CSMD3: variants seen among roughly 807,000 people sequenced by gnomAD.
The protein encoded by CSMD3 is CUB and sushi domain-containing protein 3.
CSMD3 carries 177 observed loss-of-function variants against 435.2 expected under a neutral mutation model. That is an observed-to-expected ratio of 0.41 (90% confidence interval 0.36 to 0.46). The LOEUF is 0.46. CSMD3 is among the 20% of genes least tolerant of loss of function. The pLI is 0.34. For missense variants in CSMD3, 4,265 were observed against 4,504.6 expected (o/e 0.95, Z 1.52); for synonymous variants, 1,656 against 1,520.5 (o/e 1.09, Z -2.07).
chr8:113,127,624 T>G (rs1004451682), intron 4 of CSMD3, among the ~76,000 whole-genome samples: 3 of 152,050 alleles, frequency 2.0e-5, no homozygotes, highest in African/African-American at 7.2e-5. Flanking sequence ...CACCTAGGCT[T>G]TCATCATATT....
At chr8:113,330,928 A>T (rs2094022944) in intron 1 of CSMD3, among the ~76,000 whole-genome samples, 1 of 151,850 alleles carries the variant, frequency 6.6e-6, no homozygotes, top group Non-Finnish European at 1.5e-5. Flanking sequence ...AAGCCAACTA[A>T]GCCTCACTAA....
At chr8:113,341,506 A>C (rs1431433663) in intron 1 of CSMD3, among the ~76,000 whole-genome samples, 1 of 152,148 alleles carries the variant, frequency 6.6e-6, no homozygotes, top group Non-Finnish European at 1.5e-5. Context: ...GATTTATAAA[A>C]TTTGTCTAAC....
At chr8:113,148,435 T>G (rs1326110997) in intron 4 of CSMD3, among the ~76,000 whole-genome samples, 3 of 151,796 alleles carry the variant, frequency 2.0e-5, no homozygotes, top group African/African-American at 7.2e-5. Context: ...ATAGCTCTTA[T>G]GATAAATGTA....
Position 112,745,951 on chromosome 8 carries a change from G to GT in CSMD3, c.1972+54210dup, listed in dbSNP as rs1228239289. Reference sequence around the variant, plus strand: ...TTTTCTTAATACAGGTAATTATTTTGTTTTTTTGCAGGGAAAATAAATCGA... The same window carrying GT: ...TTTTCTTAATACAGGTAATTATTTTGTTTTTTTTGCAGGGAAAATAAATCGA... On this transcript the variant is annotated intron_variant, in intron 13 of 70. Coordinates refer to ENST00000297405, the MANE Select transcript of CSMD3 (RefSeq NM_198123.2). 4.6e-5 allele frequency among the ~76,000 whole-genome samples: 7 copies of GT among 151,936 alleles called. No homozygotes were observed. In the South Asian group the frequency reaches 6.2e-4, roughly 14 times the overall value.
chr8:112,710,635 GA>G (rs1357692430), intron 13 of CSMD3, among the ~76,000 whole-genome samples: 2 of 151,572 alleles, frequency 1.3e-5, no homozygotes, highest in African/African-American at 4.9e-5. Context: ...GAAAGACAAG[GA>G]AAGTCTGAGA....
chr8:112,475,151 C>A (rs1312746905), intron 31 of CSMD3, among the ~76,000 whole-genome samples: 1 of 152,116 alleles, frequency 6.6e-6, no homozygotes, highest in Non-Finnish European at 1.5e-5. Context: ...AACTATTAAA[C>A]TCTTATTTTT....
chr8:112,594,743 C>A (rs1026964186), intron 22 of CSMD3, among the ~76,000 whole-genome samples: 6 of 152,188 alleles, frequency 3.9e-5, no homozygotes, highest in African/African-American at 1.2e-4. Flanking sequence ...AGGCACCCCC[C>A]AGTAGGGGCA....
At chr8:112,710,501 T>C (rs2076587807) in intron 13 of CSMD3, among the ~76,000 whole-genome samples, 4 of 152,126 alleles carry the variant, frequency 2.6e-5, no homozygotes, top group Admixed American at 2.6e-4. Context: ...TTAATCACAT[T>C]AACCCAACGC....
chr8:112,713,696 G>T (rs2076660417), intron 13 of CSMD3, among the ~76,000 whole-genome samples: 1 of 152,158 alleles, frequency 6.6e-6, no homozygotes, highest in African/African-American at 2.4e-5. Context: ...ACCTACAAGT[G>T]GAAGCCCACC....
At chr8:112,399,222 A>G (rs1301741001) in intron 35 of CSMD3, among the ~76,000 whole-genome samples, 1 of 151,364 alleles carries the variant, frequency 6.6e-6, no homozygotes, top group Admixed American at 6.6e-5. Context: ...TTCCCAATAC[A>G]GGTAGGTTGA....
intron 2 of CSMD3, among the ~76,000 whole-genome samples, chr8:113,286,955 T>C (rs552416033): frequency 1.3e-5 from 2 of 150,920 alleles, no homozygotes; most frequent in South Asian, 2.1e-4. Context: ...AAGAAAGAAA[T>C]AGGAAGAGGA....
chr8:113,435,911 C>T (rs903982316), intron 1 of CSMD3, among the ~76,000 whole-genome samples: 1 of 151,970 alleles, frequency 6.6e-6, no homozygotes, highest in Non-Finnish European at 1.5e-5. Flanking sequence ...ATCCCACCTA[C>T]CCCCTCCCCT....
At chr8:112,586,472 G>A (rs975804281) in intron 23 of CSMD3, among the ~76,000 whole-genome samples, 1 of 151,284 alleles carries the variant, frequency 6.6e-6, no homozygotes, top group African/African-American at 2.4e-5. Flanking sequence ...TAGAAAAGTA[G>A]ATATTTGATT....
intron 3 of CSMD3, among the ~76,000 whole-genome samples, chr8:113,194,407 T>G (rs762459347): frequency 6.6e-6 from 1 of 151,260 alleles, no homozygotes; most frequent in Non-Finnish European, 1.5e-5. Flanking sequence ...GAGAAAGGAA[T>G]GAATAGCTAG....
intron 32 of CSMD3, among the ~76,000 whole-genome samples, chr8:112,443,361 A>C (rs2130524101): frequency 6.6e-6 from 1 of 152,372 alleles, no homozygotes; most frequent in East Asian, 1.9e-4. Context: ...AATAGGAAGA[A>C]AGAATGAATG....
At chr8:113,024,925 C>A (rs538613026) in intron 5 of CSMD3, among the ~76,000 whole-genome samples, 1 of 152,304 alleles carries the variant, frequency 6.6e-6, no homozygotes, top group East Asian at 1.9e-4. Flanking sequence ...ATTCCACGCT[C>A]TACCTCCATG....
chr8:112,423,614 T>C (rs754112649), intron 32 of CSMD3, among the ~76,000 whole-genome samples: 7 of 152,110 alleles, frequency 4.6e-5, no homozygotes, highest in Non-Finnish European at 1.0e-4. Flanking sequence ...TGGCTAAGTT[T>C]TGTATTCTTT....
At chr8:112,973,554 C>CA (rs2084738166) in intron 7 of CSMD3, among the ~76,000 whole-genome samples, 1 of 151,662 alleles carries the variant, frequency 6.6e-6, no homozygotes, top group African/African-American at 2.4e-5. Context: ...GTGTCTGAGC[C>CA]AAAATTATTA....
intron 12 of CSMD3, among the ~76,000 whole-genome samples, chr8:112,826,918 A>G (rs1394951965): frequency 1.3e-5 from 2 of 151,892 alleles, no homozygotes; most frequent in African/African-American, 4.8e-5. Flanking sequence ...TTACTTATAC[A>G]ATGATTTTCT....
Sources: gnomAD v4.1 joint callset for allele counts (sites outside exome capture counted in the v4.1 genomes callset) on GRCh38, gnomAD v4.1.1 for gene constraint, MANE v1.5 for transcripts, NCBI Gene and HGNC (gene_info 2026-07-23, HGNC 2026-07-21) for gene names.